The following MOCS2 variants were observed in gnomAD, a reference collection of about 807,000 sequenced individuals.
The protein encoded by MOCS2 is molybdenum cofactor synthesis 2.
Under a neutral mutation model 21.9 loss-of-function variants are expected in MOCS2, and 13 were observed. The ratio of observed to expected loss-of-function variants is 0.59; its 90% CI spans 0.39 to 0.94. The LOEUF is 0.94. Among genes scored for constraint, MOCS2 ranks in the 40% least tolerant of loss-of-function variants. The pLI is 0.00. For synonymous variants in MOCS2, 92 were observed against 80.8 expected, an observed-to-expected ratio of 1.14 and a Z score of -0.74; for missense variants, 227 against 218.3, an observed-to-expected ratio of 1.04 and a Z score of -0.25.
At chr5:53,106,708 T>A (rs1741058722) in intron 3 of MOCS2, among the ~76,000 whole-genome samples, 1 of 152,210 alleles carries the variant, frequency 6.6e-6, no homozygotes, top group South Asian at 2.1e-4. Flanking sequence ...CTCTTTCACT[T>A]ATTAGCTATG....
In MOCS2 at chr5:53,109,751, G is replaced by C. The variant is rs1327633560; in HGVS notation, c.-670C>G. 8.4e-6 allele frequency: 13 copies of C among 1,547,884 alleles called. No individual in the cohort carries two copies. The highest frequency in any genetic ancestry group is 1.1e-5 in the Non-Finnish European group (13 of 1,146,170). ...CCATCCCGCCTAGGACAGCGGGACC[G>C]AATCACGGCCGCAAAGGCGCAGGCG... On this transcript the variant is annotated 5_prime_UTR_variant, in exon 1 of 7. Coordinates refer to ENST00000396954, the MANE Select transcript of MOCS2 (RefSeq NM_004531.5).
chr5:53,104,361 CATA>C (rs1158277889), intron 3 of MOCS2, among the ~76,000 whole-genome samples: 1 of 152,192 alleles, frequency 6.6e-6, no homozygotes, highest in Non-Finnish European at 1.5e-5. Context: ...TTTAAAAATG[CATA>C]ATACCAGTCC....
Position 53,097,116 on chromosome 5 carries a change from C to CA in MOCS2, c.*1485dup, listed in dbSNP as rs962067521. 16 of 152,404 alleles carry CA rather than the reference C, an allele frequency of 1.0e-4. No individual in the cohort carries two copies. The highest frequency in any genetic ancestry group is 3.4e-4 in the African/African-American group (14 of 41,586). 9.4% of individuals were successfully genotyped at this position (152,404 alleles called of 1,614,324 possible). A position where few individuals can be genotyped will look rare whatever the true frequency, so the allele number is the denominator to read the frequency against. ...CTGTGAAGGTAAGGCTGAGACCAAACAGGCAACCCGAACCCGGCAGAGGAA... is the reference window on the plus strand; with the variant it reads ...CTGTGAAGGTAAGGCTGAGACCAAACAAGGCAACCCGAACCCGGCAGAGGAA... On this transcript the variant is annotated 3_prime_UTR_variant, in exon 7 of 7. Transcript: ENST00000396954.
intron 1 of MOCS2, among the ~76,000 whole-genome samples, chr5:53,108,878 G>C (rs924370489): frequency 6.6e-6 from 1 of 152,160 alleles, no homozygotes; most frequent in Non-Finnish European, 1.5e-5. Flanking sequence ...ACAAACTTAA[G>C]TGTGCCATCA....
At chr5:53,104,727 G>GA (rs1462053964) in intron 3 of MOCS2, among the ~76,000 whole-genome samples, 1 of 152,022 alleles carries the variant, frequency 6.6e-6, no homozygotes, top group African/African-American at 2.4e-5. Context: ...AAAAATGGGT[G>GA]AAAAAAGATA....
At chr5:53,107,332 A>G in intron 2 of MOCS2, 111 bp from the exon 3 acceptor site, 1 of 997,930 alleles carries the variant, frequency 1.0e-6, no homozygotes, top group South Asian at 1.6e-5. Flanking sequence ...CATCACCTGC[A>G]AAATTACCAA....
intron 6 of MOCS2, 139 bp downstream of exon 6, chr5:53,100,272 T>G (rs1250946736): frequency 4.1e-6 from 4 of 982,666 alleles, no homozygotes; most frequent in Non-Finnish European, 6.2e-6. Context: ...TTAACAAATC[T>G]TGGAAAGAAG....
intron 3 of MOCS2, among the ~76,000 whole-genome samples, chr5:53,102,885 T>C (rs1160583847): frequency 6.6e-6 from 1 of 151,106 alleles, no homozygotes; most frequent in Non-Finnish European, 1.5e-5. Context: ...GAGGTGGAGG[T>C]TGCAGTGAGC....
Position 53,108,503 on chromosome 5 carries a change from T to C in MOCS2, c.-48+19A>G. ...ATATCTAAGTGTTACTCATATGCAT[T>C]CTACAAATTTTTAACTACCCAGGAT... On this transcript the variant is annotated intron_variant, in intron 2 of 6. Coordinates refer to ENST00000396954, the MANE Select transcript of MOCS2 (RefSeq NM_004531.5). 1 of 1,608,506 alleles carries C rather than the reference T, an allele frequency of 6.2e-7. No homozygotes were observed. The highest frequency in any genetic ancestry group is 8.5e-7 in the Non-Finnish European group (1 of 1,176,620).
intron 2 of MOCS2, chr5:53,108,244 A>G: frequency 3.3e-6 from 1 of 302,408 alleles, no homozygotes; most frequent in Non-Finnish European, 6.0e-6. Flanking sequence ...TTAATGTTAT[A>G]AAATTGCAGA....
At chr5:53,102,992 T>C (rs1740957477) in intron 3 of MOCS2, among the ~76,000 whole-genome samples, 1 of 151,642 alleles carries the variant, frequency 6.6e-6, no homozygotes, top group South Asian at 2.1e-4. Flanking sequence ...TGCAGCTTAA[T>C]GGGGAGTGAC....
chr5:53,104,019 A>G (rs1053045678), intron 3 of MOCS2, among the ~76,000 whole-genome samples: 1 of 152,218 alleles, frequency 6.6e-6, no homozygotes, highest in Admixed American at 6.5e-5. Flanking sequence ...ATAATTATTA[A>G]TCCTGTAAGG....
chr5:53,102,184 T>C lies in MOCS2; in HGVS notation c.139A>G (p.Ile47Val). 1 of 1,612,522 alleles carries C rather than the reference T, an allele frequency of 6.2e-7. No individual in the cohort carries two copies. Among genetic ancestry groups the C allele is most frequent in the South Asian group, 1.1e-5 (1 of 90,996 alleles). Residue 47 changes from isoleucine (I) to valine (V), a missense_variant, in exon 4 of 7, where the codon ATA (isoleucine) becomes GTA (valine). Ile to Val is a conservative substitution (Grantham distance 29). Coordinates refer to ENST00000396954, the MANE Select transcript of MOCS2 (RefSeq NM_004531.5). ...DEVEEKSKDV[I>V]NFTAEKLSVD... ...GAAAGTTTCTCGGCAGTAAAGTTTA[T>C]AACATCTTTAGATTTCTCTTCAACT...
At chr5:53,109,028 G>A (rs755274724) in intron 1 of MOCS2, among the ~76,000 whole-genome samples, 2 of 152,124 alleles carry the variant, frequency 1.3e-5, no homozygotes, top group Non-Finnish European at 2.9e-5. Flanking sequence ...TAAAATAAAT[G>A]AATAAATAAG....
At position 53,101,409 on chromosome 5, in the gene MOCS2, G is replaced by GTT; in HGVS notation, c.326_327insAA (p.Asp109GlufsTer12). ...GTTTGACTGGCCATTTCTGCCTAAT[G>GTT]TCACTACAAATCTTTCTGACTTCAT... On this transcript the variant is annotated frameshift_variant, in exon 5 of 7. Transcript: ENST00000396954. LOFTEE classifies it high-confidence loss of function. The GTT allele has an allele frequency of 6.2e-7, 1 of 1,613,892 alleles. No individual in the cohort carries two copies. The highest frequency in any genetic ancestry group is 1.7e-4 in the Middle Eastern group (1 of 6,058).
At position 53,108,617 on chromosome 5, in the gene MOCS2, ACT is replaced by A. The variant is rs753877315; in HGVS notation, c.-145_-144del. The A allele has an allele frequency of 6.2e-7, 1 of 1,613,650 alleles. No homozygotes were observed. The highest frequency in any genetic ancestry group is 2.2e-5 in the East Asian group (1 of 44,822). ...CTGAACGAACTCCTGTTATTTCAGCACTTTTTGCAAAATACAATACTTCAACC... is the reference window on the plus strand; with the variant it reads ...CTGAACGAACTCCTGTTATTTCAGCATTTTGCAAAATACAATACTTCAACC... On this transcript the variant is annotated 5_prime_UTR_variant, in exon 2 of 7. The change creates a new upstream start codon in the 5' untranslated region. Transcript: ENST00000396954.
intron 2 of MOCS2, 54 bp from the exon 3 acceptor site, chr5:53,107,275 C>T (rs1451209519): frequency 7.9e-6 from 12 of 1,512,848 alleles, no homozygotes; most frequent in South Asian, 1.2e-5. Context: ...GACCTCAAAT[C>T]GCTTCAGCTG....
chr5:53,102,964 AG>A (rs1740956610), intron 3 of MOCS2, among the ~76,000 whole-genome samples: 1 of 151,450 alleles, frequency 6.6e-6, no homozygotes, highest in East Asian at 1.9e-4. Flanking sequence ...AAAAAAAAAA[AG>A]AAAAAAAAGG....
rs115118114 is a variant in MOCS2, at chr5:53,104,013, T to C, written c.99-1789A>G. 2.4e-3 allele frequency among the ~76,000 whole-genome samples: 360 copies of C among 152,292 alleles called. 1 individual carries two copies. Among genetic ancestry groups the C allele is most frequent in the Middle Eastern group, 0.014 (4 of 294 alleles). ...ATCTTGCAGGCAATGAGGAATATAA[T>C]TATTAATCCTGTAAGGTTTCATCTG... On this transcript the variant is annotated intron_variant, in intron 3 of 6. Coordinates refer to ENST00000396954, the MANE Select transcript of MOCS2 (RefSeq NM_004531.5).
Sources: allele counts gnomAD v4.1 joint callset (sites outside exome capture counted in the v4.1 genomes callset), GRCh38; gene constraint gnomAD v4.1.1; transcripts MANE v1.5; gene names NCBI Gene and HGNC (gene_info 2026-07-23, HGNC 2026-07-21).